The following KIAA1217 variants were observed in gnomAD, a reference collection of about 807,000 sequenced individuals.
KIAA1217 encodes the protein sickle tail protein homolog.
In KIAA1217, 88 loss-of-function variants were observed where a neutral mutation model predicts 163.9. That is an observed-to-expected ratio of 0.54 (90% CI 0.45 to 0.64). KIAA1217 has a LOEUF of 0.64. Ranked by LOEUF, KIAA1217 falls within the 30% of genes least tolerant of loss-of-function variation. KIAA1217 has a pLI of 0.00. For synonymous variants in KIAA1217, 903 were observed against 923.1 expected (o/e 0.98, Z 0.39); for missense variants, 2,372 against 2,475.0 (o/e 0.96, Z 0.88).
intron 3 of KIAA1217, among the ~76,000 whole-genome samples, chr10:24,383,399 G>A (rs948031784): frequency 1.1e-4 from 17 of 152,250 alleles, no homozygotes; most frequent in Non-Finnish European, 8.8e-5. Context: ...TGGCAGTGCA[G>A]GTTGAGACTT....
At chr10:23,917,902 T>A (rs947937163) in intron 1 of KIAA1217, among the ~76,000 whole-genome samples, 1 of 152,316 alleles carries the variant, frequency 6.6e-6, no homozygotes, top group South Asian at 2.1e-4. Flanking sequence ...TTGTGGGATG[T>A]ATTATGTATG....
chr10:24,385,171 C>T lies in KIAA1217; in HGVS notation c.553+4104C>T, dbSNP rs147556351. ...ACAAGATGGAATCCTCACACCACTC[C>T]GGCTCCTGAGAGGAGAGGAAGCCTT... On this transcript the variant is annotated intron_variant, in intron 3 of 20. Transcript: ENST00000376454. 6.4e-3 allele frequency among the ~76,000 whole-genome samples: 982 copies of T among 152,334 alleles called. 10 individuals are homozygous for T. The highest frequency in any genetic ancestry group is 0.022 in the African/African-American group (910 of 41,566).
chr10:23,920,255 AG>A (rs1842804738), intron 1 of KIAA1217, among the ~76,000 whole-genome samples: 1 of 152,124 alleles, frequency 6.6e-6, no homozygotes, highest in Admixed American at 6.5e-5. Context: ...GCCCTTTTGT[AG>A]GGTTTCATTT....
intron 3 of KIAA1217, among the ~76,000 whole-genome samples, chr10:24,389,744 C>G (rs905442046): frequency 1.2e-4 from 18 of 152,170 alleles, no homozygotes; most frequent in African/African-American, 4.3e-4. Context: ...AAAGCAGATT[C>G]TTTCTGGAAT....
intron 1 of KIAA1217, among the ~76,000 whole-genome samples, chr10:23,804,892 G>A (rs1196522940): frequency 1.3e-5 from 2 of 152,030 alleles, no homozygotes; most frequent in South Asian, 2.1e-4. Flanking sequence ...ACAGTATAAG[G>A]CAAATATTTT....
At chr10:24,466,371 G>T (rs773485979) in intron 5 of KIAA1217, among the ~76,000 whole-genome samples, 6 of 152,054 alleles carry the variant, frequency 3.9e-5, no homozygotes, top group Non-Finnish European at 7.4e-5. Flanking sequence ...TACCTAGGCC[G>T]TTTAAAGTTC....
intron 1 of KIAA1217, among the ~76,000 whole-genome samples, chr10:23,824,785 G>A (rs1226124305): frequency 1.3e-5 from 2 of 151,060 alleles, no homozygotes; most frequent in Admixed American, 6.6e-5. Context: ...GTCCTGTGGT[G>A]TGTAGGGCAT....
At chr10:24,282,933 A>G (rs1347540604) in intron 2 of KIAA1217, among the ~76,000 whole-genome samples, 1 of 148,542 alleles carries the variant, frequency 6.7e-6, no homozygotes, top group Non-Finnish European at 1.5e-5. Context: ...TTCCAGGTTC[A>G]AGCAATTCTC....
chr10:24,287,557 T>TA (rs1165315787), intron 2 of KIAA1217, among the ~76,000 whole-genome samples: 1 of 152,244 alleles, frequency 6.6e-6, no homozygotes, highest in African/African-American at 2.4e-5. Flanking sequence ...AAGCTCATTA[T>TA]AAAAAATACT....
chr10:24,383,059 C>T (rs2053534302), intron 3 of KIAA1217, among the ~76,000 whole-genome samples: 1 of 151,872 alleles, frequency 6.6e-6, no homozygotes, highest in Admixed American at 6.6e-5. Flanking sequence ...GTTGCCCAGG[C>T]TGGTCTGGAA....
chr10:23,727,704 TG>T (rs1838249205), intron 1 of KIAA1217, among the ~76,000 whole-genome samples: 1 of 152,196 alleles, frequency 6.6e-6, no homozygotes. Context: ...CGTGCAGTTT[TG>T]TTACATAAGT....
chr10:23,696,201 GA>G (rs541291256), intron 1 of KIAA1217, among the ~76,000 whole-genome samples: 47 of 152,308 alleles, frequency 3.1e-4, no homozygotes, highest in African/African-American at 1.0e-3. Flanking sequence ...TCTCATAGGG[GA>G]AAAAAGTTCT....
intron 1 of KIAA1217, among the ~76,000 whole-genome samples, chr10:23,820,536 C>G (rs1250564984): frequency 2.0e-5 from 3 of 152,118 alleles, no homozygotes; most frequent in African/African-American, 7.2e-5. Context: ...AACAATTAAA[C>G]CAGAAAACAT....
chr10:23,805,300 A>G (rs187511062), intron 1 of KIAA1217, among the ~76,000 whole-genome samples: 24 of 152,310 alleles, frequency 1.6e-4, no homozygotes, highest in Admixed American at 6.5e-4. Flanking sequence ...TATAAAGAAA[A>G]TTTCTTACAA....
chr10:24,140,501 C>T (rs934735095), intron 2 of KIAA1217, among the ~76,000 whole-genome samples: 22 of 152,046 alleles, frequency 1.4e-4, no homozygotes, highest in East Asian at 9.6e-4. Context: ...ACATGACAGT[C>T]GATCTGATAA....
chr10:24,335,453 C>T (rs116862443), intron 2 of KIAA1217, among the ~76,000 whole-genome samples: 2,208 of 151,640 alleles, frequency 0.015, 37 homozygotes, highest in East Asian at 0.09. Flanking sequence ...CCACCACACC[C>T]GGCTAATGGG....
chr10:24,083,828 A>G (rs7915019), intron 2 of KIAA1217, among the ~76,000 whole-genome samples: 18,709 of 152,116 alleles, frequency 0.12, 3,102 homozygotes, highest in African/African-American at 0.38. Context: ...TTGTGTAATG[A>G]GTGCATGATG....
chr10:24,259,476 G>C (rs2075508186), intron 2 of KIAA1217, among the ~76,000 whole-genome samples: 1 of 152,234 alleles, frequency 6.6e-6, no homozygotes, highest in African/African-American at 2.4e-5. Context: ...TTACCTGGCT[G>C]TGGTGGTATG....
At chr10:24,142,063 GA>G (rs1241531898) in intron 2 of KIAA1217, among the ~76,000 whole-genome samples, 1 of 137,280 alleles carries the variant, frequency 7.3e-6, no homozygotes, top group Non-Finnish European at 1.6e-5. Context: ...ATGTTAATGA[GA>G]TTTTTTTGTT....
Sources: gnomAD v4.1 joint callset for allele counts (sites outside exome capture counted in the v4.1 genomes callset) on GRCh38, gnomAD v4.1.1 for gene constraint, MANE v1.5 for transcripts, NCBI Gene and HGNC (gene_info 2026-07-23, HGNC 2026-07-21) for gene names.